The following ZNF385D variants were observed in gnomAD, a reference collection of about 807,000 sequenced individuals.
ZNF385D encodes zinc finger protein 385D, also known as zinc finger protein 659.
Under a neutral mutation model 35.8 loss-of-function variants are expected in ZNF385D, and 15 were observed. That is an observed-to-expected ratio of 0.42 (90% CI 0.28 to 0.64). The LOEUF (loss-of-function observed/expected upper bound fraction) is 0.64, where lower values mean the gene tolerates loss of function less well. Ranked by LOEUF, ZNF385D falls within the 30% of genes least tolerant of loss-of-function variation. ZNF385D has a pLI of 0.23. For synonymous variants in ZNF385D, 212 were observed against 186.8 expected (o/e 1.13, Z -1.10); for missense variants, 474 against 494.6 (o/e 0.96, Z 0.39).
At chr3:21,495,385 T>A (rs1705756419) in intron 4 of ZNF385D, among the ~76,000 whole-genome samples, 1 of 152,000 alleles carries the variant, frequency 6.6e-6, no homozygotes, top group African/African-American at 2.4e-5. Context: ...AAAATAGAAA[T>A]CAATCCTAAG....
chr3:22,311,278 T>G (rs1000523614), intron 2 of ZNF385D, among the ~76,000 whole-genome samples: 1 of 152,062 alleles, frequency 6.6e-6, no homozygotes, highest in Non-Finnish European at 1.5e-5. Flanking sequence ...ACTTAAATGA[T>G]ACAGAGTGAA....
chr3:21,522,230 G>A (rs1435437705), intron 3 of ZNF385D, among the ~76,000 whole-genome samples: 2 of 152,284 alleles, frequency 1.3e-5, no homozygotes, highest in African/African-American at 4.8e-5. Flanking sequence ...ACTCTGAAGT[G>A]GGACATTTTA....
intron 4 of ZNF385D, among the ~76,000 whole-genome samples, chr3:21,460,585 C>T (rs1389070208): frequency 6.6e-6 from 1 of 152,082 alleles, no homozygotes; most frequent in African/African-American, 2.4e-5. Flanking sequence ...CATGATAAAG[C>T]TACAATGAAT....
At chr3:21,686,942 T>C (rs2067124321) in intron 1 of ZNF385D, among the ~76,000 whole-genome samples, 2 of 152,134 alleles carry the variant, frequency 1.3e-5, no homozygotes, top group Admixed American at 1.3e-4. Context: ...GGGAGCCTAT[T>C]TTCCCATCCT....
chr3:21,604,988 G>A (rs1353169882), intron 2 of ZNF385D, among the ~76,000 whole-genome samples: 3 of 152,138 alleles, frequency 2.0e-5, no homozygotes, highest in Non-Finnish European at 4.4e-5. Flanking sequence ...AGTTGCCTTG[G>A]GCATACCTCT....
intron 3 of ZNF385D, among the ~76,000 whole-genome samples, chr3:22,041,879 T>C (rs1698685640): frequency 6.6e-6 from 1 of 152,092 alleles, no homozygotes; most frequent in Non-Finnish European, 1.5e-5. Context: ...CAGGTTATAA[T>C]ATCTGTGTTC....
intron 2 of ZNF385D, among the ~76,000 whole-genome samples, chr3:22,334,965 C>A (rs1172534088): frequency 6.6e-6 from 1 of 151,926 alleles, no homozygotes; most frequent in Non-Finnish European, 1.5e-5. Context: ...TGAGAATATT[C>A]CTTGTTTAAA....
At chr3:21,492,366 G>T (rs1359976959) in intron 4 of ZNF385D, among the ~76,000 whole-genome samples, 2 of 148,918 alleles carry the variant, frequency 1.3e-5, no homozygotes, top group African/African-American at 4.9e-5. Context: ...TTGCTTTACG[G>T]ATTCTAAATG....
intron 3 of ZNF385D, among the ~76,000 whole-genome samples, chr3:22,026,054 C>G (rs1057004605): frequency 2.0e-5 from 3 of 152,118 alleles, no homozygotes; most frequent in Non-Finnish European, 4.4e-5. Flanking sequence ...TCGAGTAGAG[C>G]TCTGGCATTG....
intron 1 of ZNF385D, among the ~76,000 whole-genome samples, chr3:21,740,768 C>G (rs552688537): frequency 6.6e-6 from 1 of 152,238 alleles, no homozygotes; most frequent in Non-Finnish European, 1.5e-5. Flanking sequence ...GTGGAACTTC[C>G]CAGGGCCTCA....
In ZNF385D at chr3:21,916,703, T is replaced by A. The variant is rs954695185; in HGVS notation, c.326-251675A>T. ...ACACTTGAATTAATTCATACTAAAT[T>A]TTGGAAAAGGTCTGCCACAATTTAC... On this transcript the variant is annotated intron_variant, in intron 3 of 5. Coordinates refer to the ZNF385D transcript ENST00000494108. Among the ~76,000 whole-genome samples the A allele has an allele frequency of 7.9e-5, 12 of 152,332 alleles. No individual in the cohort carries two copies. In the East Asian group the frequency reaches 2.1e-3, roughly 27 times the overall value.
At chr3:22,060,893 T>G (rs1699654307) in intron 3 of ZNF385D, among the ~76,000 whole-genome samples, 1 of 152,076 alleles carries the variant, frequency 6.6e-6, no homozygotes, top group Non-Finnish European at 1.5e-5. Flanking sequence ...TTTTGGCTCT[T>G]AAGTAGAAAA....
At chr3:21,478,386 A>C (rs1704384438) in intron 4 of ZNF385D, among the ~76,000 whole-genome samples, 1 of 152,116 alleles carries the variant, frequency 6.6e-6, no homozygotes, top group Non-Finnish European at 1.5e-5. Context: ...CTTTGGTAAA[A>C]AGGATAAAAG....
At chr3:21,795,159 T>C (rs1028479155) in intron 3 of ZNF385D, among the ~76,000 whole-genome samples, 12 of 152,228 alleles carry the variant, frequency 7.9e-5, no homozygotes, top group African/African-American at 2.4e-4. Context: ...CCTTCAGGCT[T>C]AGTTATCTAA....
At chr3:22,242,013 G>T (rs1357760713) in intron 2 of ZNF385D, among the ~76,000 whole-genome samples, 1 of 149,994 alleles carries the variant, frequency 6.7e-6, no homozygotes, top group Non-Finnish European at 1.5e-5. Flanking sequence ...CTCATAGGTG[G>T]GAATTGAACA....
At chr3:22,116,944 A>T (rs1702842528) in intron 3 of ZNF385D, among the ~76,000 whole-genome samples, 1 of 152,014 alleles carries the variant, frequency 6.6e-6, no homozygotes. Flanking sequence ...GGCCATCATA[A>T]CCACCCTATA....
intron 3 of ZNF385D, among the ~76,000 whole-genome samples, chr3:21,541,770 A>G (rs1270514945): frequency 6.6e-6 from 1 of 152,188 alleles, no homozygotes; most frequent in Non-Finnish European, 1.5e-5. Flanking sequence ...AGCAAATTTT[A>G]TCTTTGAGAT....
chr3:21,701,936 C>T (rs2067700384), intron 1 of ZNF385D, among the ~76,000 whole-genome samples: 1 of 152,144 alleles, frequency 6.6e-6, no homozygotes, highest in South Asian at 2.1e-4. Context: ...CAGGGTATAG[C>T]CCCCATCTTG....
chr3:21,634,503 G>A (rs2065373341), intron 2 of ZNF385D, among the ~76,000 whole-genome samples: 1 of 151,960 alleles, frequency 6.6e-6, no homozygotes, highest in African/African-American at 2.4e-5. Context: ...AGCATTGTAT[G>A]CTACACATCT....
Sources: allele counts gnomAD v4.1 joint callset (sites outside exome capture counted in the v4.1 genomes callset), GRCh38; gene constraint gnomAD v4.1.1; transcripts MANE v1.5; gene names NCBI Gene and HGNC (gene_info 2026-07-23, HGNC 2026-07-21).